The following WWOX variants were observed in gnomAD, a reference collection of about 807,000 sequenced individuals.
The protein encoded by WWOX is WW domain-containing oxidoreductase.
A neutral mutation model predicts 46.2 loss-of-function variants in WWOX; 69 were observed. The observed-to-expected ratio is 1.49, with a 90% CI of 1.23 to 1.82. The LOEUF is 1.82. Among genes scored for constraint, WWOX ranks in the 40% most tolerant of loss-of-function variants. The probability of loss-of-function intolerance (pLI) is 0.00; values close to 1 mark genes in which losing one functional copy is unlikely to be tolerated. For missense variants in WWOX, 919 were observed against 542.6 expected (o/e 1.69, Z -6.89); for synonymous variants, 359 against 202.6 (o/e 1.77, Z -6.56).
chr16:78,794,854 A>C (rs925443323), intron 8 of WWOX, among the ~76,000 whole-genome samples: 2 of 152,242 alleles, frequency 1.3e-5, no homozygotes, highest in African/African-American at 2.4e-5. Context: ...GGCTGCTGAC[A>C]CCTGTCTGAC....
intron 8 of WWOX, among the ~76,000 whole-genome samples, chr16:79,127,385 C>T (rs1320735756): frequency 6.6e-6 from 1 of 152,136 alleles, no homozygotes; most frequent in Non-Finnish European, 1.5e-5. Context: ...ACACACCTTG[C>T]TCTTTTTGCT....
At chr16:78,867,294 C>T (rs778456291) in intron 8 of WWOX, among the ~76,000 whole-genome samples, 38 of 152,016 alleles carry the variant, frequency 2.5e-4, no homozygotes, top group Admixed American at 1.8e-3. Context: ...ATACCAACGC[C>T]GTCTATTTTC....
chr16:78,985,980 C>T (rs755882123), intron 8 of WWOX, among the ~76,000 whole-genome samples: 1 of 152,168 alleles, frequency 6.6e-6, no homozygotes, highest in African/African-American at 2.4e-5. Flanking sequence ...TCAGAGCCAA[C>T]AATGCACTGT....
chr16:78,917,989 G>T (rs1412236462), intron 8 of WWOX, among the ~76,000 whole-genome samples: 2 of 152,122 alleles, frequency 1.3e-5, no homozygotes, highest in East Asian at 1.9e-4. Flanking sequence ...GCCACTTGAG[G>T]CCAGGAGTTT....
At chr16:78,946,066 C>T (rs772077864) in intron 8 of WWOX, among the ~76,000 whole-genome samples, 15 of 152,202 alleles carry the variant, frequency 9.9e-5, no homozygotes, top group Non-Finnish European at 1.8e-4. Context: ...AAACATACCA[C>T]GATCTACTGG....
At chr16:78,202,000 C>T (rs554626818) in intron 5 of WWOX, among the ~76,000 whole-genome samples, 3 of 152,238 alleles carry the variant, frequency 2.0e-5, no homozygotes, top group Non-Finnish European at 4.4e-5. Context: ...CCACCACACC[C>T]AGCCTTCCTT....
intron 8 of WWOX, among the ~76,000 whole-genome samples, chr16:78,922,198 A>G (rs1450078615): frequency 6.6e-6 from 1 of 152,122 alleles, no homozygotes; most frequent in African/African-American, 2.4e-5. Context: ...ACTGTGGTAC[A>G]GTGTCCCTAC....
At chr16:79,052,790 A>G (rs1289463705) in intron 8 of WWOX, among the ~76,000 whole-genome samples, 1 of 152,206 alleles carries the variant, frequency 6.6e-6, no homozygotes, top group African/African-American at 2.4e-5. Context: ...GAGGAAATTA[A>G]ATTCCTGTTC....
intron 8 of WWOX, among the ~76,000 whole-genome samples, chr16:78,562,985 TC>T (rs2044475122): frequency 7.0e-6 from 1 of 143,824 alleles, no homozygotes; most frequent in Non-Finnish European, 1.5e-5. Context: ...TTACAGATGT[TC>T]TTTTTTTTTT....
intron 8 of WWOX, among the ~76,000 whole-genome samples, chr16:78,965,110 G>C (rs962998115): frequency 6.6e-6 from 1 of 152,218 alleles, no homozygotes; most frequent in South Asian, 2.1e-4. Context: ...TGTAGGGCTG[G>C]AGCCTCCAGG....
chr16:79,183,053 A>T (rs1166947369), intron 8 of WWOX, among the ~76,000 whole-genome samples: 1 of 152,138 alleles, frequency 6.6e-6, no homozygotes, highest in Non-Finnish European at 1.5e-5. Context: ...GCCGTCTTCC[A>T]TGTTGGGGTG....
intron 8 of WWOX, among the ~76,000 whole-genome samples, chr16:78,949,801 T>C (rs766615996): frequency 2.0e-5 from 3 of 152,212 alleles, no homozygotes; most frequent in Non-Finnish European, 4.4e-5. Flanking sequence ...GCATCCTACA[T>C]TGTCTAGTGG....
intron 8 of WWOX, among the ~76,000 whole-genome samples, chr16:78,455,283 G>A (rs1290372856): frequency 2.7e-5 from 4 of 147,690 alleles, no homozygotes; most frequent in African/African-American, 1.1e-4. Flanking sequence ...AAGGACGATG[G>A]ACAAAGTTAT....
At chr16:78,982,824 C>T (rs570927220) in intron 8 of WWOX, among the ~76,000 whole-genome samples, 2 of 151,942 alleles carry the variant, frequency 1.3e-5, no homozygotes, top group Non-Finnish European at 2.9e-5. Flanking sequence ...AAATGAATAC[C>T]CTTCTGAGCC....
At chr16:79,020,935 C>G (rs988099338) in intron 8 of WWOX, among the ~76,000 whole-genome samples, 1 of 151,974 alleles carries the variant, frequency 6.6e-6, no homozygotes, top group Non-Finnish European at 1.5e-5. Context: ...CTTAGATTGT[C>G]AGGGAGCTAA....
At chr16:78,840,267 C>G (rs923247326) in intron 8 of WWOX, among the ~76,000 whole-genome samples, 16 of 152,178 alleles carry the variant, frequency 1.1e-4, no homozygotes, top group African/African-American at 3.9e-4. Flanking sequence ...TGAGCAAAAT[C>G]CTGAACCTCT....
intron 8 of WWOX, among the ~76,000 whole-genome samples, chr16:78,458,531 G>T (rs936466975): frequency 6.6e-6 from 1 of 152,012 alleles, no homozygotes; most frequent in Non-Finnish European, 1.5e-5. Context: ...AAAGTGCTGG[G>T]ATTACAGGTA....
chr16:78,414,697 C>T (rs1444792322), intron 6 of WWOX, among the ~76,000 whole-genome samples: 1 of 152,188 alleles, frequency 6.6e-6, no homozygotes, highest in Non-Finnish European at 1.5e-5. Flanking sequence ...GGAATAACGG[C>T]TGGTAATTAT....
chr16:79,113,911 G>A (rs911806019), intron 8 of WWOX, among the ~76,000 whole-genome samples: 5 of 152,190 alleles, frequency 3.3e-5, no homozygotes, highest in South Asian at 2.1e-4. Context: ...TGTTTGAATC[G>A]GAGTAGCAGG....
Sources: allele counts gnomAD v4.1 joint callset (sites outside exome capture counted in the v4.1 genomes callset), GRCh38; gene constraint gnomAD v4.1.1; transcripts MANE v1.5; gene names NCBI Gene and HGNC (gene_info 2026-07-23, HGNC 2026-07-21).